The following UBE2E3 variants were observed in gnomAD, a reference collection of about 807,000 sequenced individuals.
UBE2E3 encodes the protein ubiquitin-conjugating enzyme E2 E3.
UBE2E3 carries 5 observed loss-of-function variants against 23.6 expected under a neutral mutation model. That is an observed-to-expected ratio of 0.21 (90% CI 0.11 to 0.44). UBE2E3 has a LOEUF of 0.44. Among genes scored for constraint, UBE2E3 ranks in the 20% least tolerant of loss-of-function variants. UBE2E3 has a pLI of 0.99. For synonymous variants in UBE2E3, 78 were observed against 87.5 expected, an observed-to-expected ratio of 0.89 and a Z score of 0.60; for missense variants, 81 against 249.8, an observed-to-expected ratio of 0.32 and a Z score of 4.55.
intron 2 of UBE2E3, 145 bp downstream of exon 2, chr2:180,982,381 C>A: frequency 1.3e-6 from 1 of 762,854 alleles, no homozygotes. Context: ...AGTTGTCATT[C>A]TTTAGGTGGT....
intron 3 of UBE2E3, among the ~76,000 whole-genome samples, chr2:181,036,005 T>G (rs1461476781): frequency 2.0e-5 from 3 of 152,198 alleles, no homozygotes; most frequent in African/African-American, 7.2e-5. Flanking sequence ...GTAAAGTCAA[T>G]CCTGATTTCT....
intron 1 of UBE2E3, chr2:180,981,463 CAGCT>C (rs1684292141): frequency 6.6e-6 from 1 of 152,186 alleles, no homozygotes; most frequent in African/African-American, 2.4e-5. Flanking sequence ...GCCGTGGAAA[CAGCT>C]AGAGCAGCTC....
At chr2:180,982,324 T>C in intron 2 of UBE2E3, 88 bp downstream of exon 2, 2 of 1,184,450 alleles carry the variant, frequency 1.7e-6, no homozygotes. Context: ...TCAATAGCAG[T>C]AGTTCAGAAA....
chr2:181,047,125 C>T (rs1031633702), intron 3 of UBE2E3, among the ~76,000 whole-genome samples: 1 of 152,110 alleles, frequency 6.6e-6, no homozygotes, highest in African/African-American at 2.4e-5. Flanking sequence ...GACTAGATGA[C>T]GTCTTTAGTT....
intron 3 of UBE2E3, among the ~76,000 whole-genome samples, chr2:181,016,241 T>G (rs1035296400): frequency 1.3e-4 from 19 of 151,042 alleles, no homozygotes; most frequent in Non-Finnish European, 1.2e-4. Flanking sequence ...GGGTTTAAAT[T>G]TTTTTTTTTA....
At chr2:181,030,829 T>C (rs1053823382) in intron 3 of UBE2E3, among the ~76,000 whole-genome samples, 1 of 152,170 alleles carries the variant, frequency 6.6e-6, no homozygotes, top group African/African-American at 2.4e-5. Flanking sequence ...TTTATTTTTT[T>C]CATGTCTGTT....
chr2:181,038,158 A>G (rs1686358543), intron 3 of UBE2E3, among the ~76,000 whole-genome samples: 1 of 152,174 alleles, frequency 6.6e-6, no homozygotes, highest in Non-Finnish European at 1.5e-5. Context: ...CCATTGTGGT[A>G]AGTGCCCAAT....
At chr2:180,994,833 G>A (rs62180090) in intron 3 of UBE2E3, among the ~76,000 whole-genome samples, 35,327 of 152,004 alleles carry the variant, frequency 0.23, 4,474 homozygotes, top group Non-Finnish European at 0.28. Context: ...ATCATTTACT[G>A]CTATGAGATA....
intron 3 of UBE2E3, among the ~76,000 whole-genome samples, chr2:181,009,046 A>G (rs1685237553): frequency 6.6e-6 from 1 of 152,140 alleles, no homozygotes; most frequent in Non-Finnish European, 1.5e-5. Flanking sequence ...CTAAAACAAC[A>G]TAAACAGATA....
At chr2:181,050,034 A>G (rs7371242) in intron 3 of UBE2E3, among the ~76,000 whole-genome samples, 35,255 of 151,852 alleles carry the variant, frequency 0.23, 4,455 homozygotes, top group Non-Finnish European at 0.28. Flanking sequence ...ATTTACAAAA[A>G]GGCCAATAAG....
chr2:181,018,504 A>G (rs1414143853), intron 3 of UBE2E3, among the ~76,000 whole-genome samples: 1 of 151,480 alleles, frequency 6.6e-6, no homozygotes, highest in Non-Finnish European at 1.5e-5. Flanking sequence ...TCTATTCTTG[A>G]TGAGCTTTTG....
chr2:181,038,104 A>G (rs1382713363), intron 3 of UBE2E3, among the ~76,000 whole-genome samples: 1 of 152,094 alleles, frequency 6.6e-6, no homozygotes, highest in East Asian at 1.9e-4. Context: ...CGCCTTCACT[A>G]CTCACCCCTG....
chr2:181,050,965 T>C (rs57612208), intron 3 of UBE2E3, among the ~76,000 whole-genome samples: 5,837 of 151,902 alleles, frequency 0.038, 313 homozygotes, highest in East Asian at 0.19. Flanking sequence ...TTTCATGTAT[T>C]CTAGCTTGAA....
At chr2:181,054,987 G>A (rs532539472) in intron 3 of UBE2E3, among the ~76,000 whole-genome samples, 1 of 151,876 alleles carries the variant, frequency 6.6e-6, no homozygotes, top group East Asian at 2.0e-4. Flanking sequence ...GATGTGATTG[G>A]CTGTGTCAAA....
At chr2:181,019,237 G>A (rs1005845043) in intron 3 of UBE2E3, among the ~76,000 whole-genome samples, 3 of 152,192 alleles carry the variant, frequency 2.0e-5, no homozygotes, top group African/African-American at 7.2e-5. Flanking sequence ...TGGGATTACA[G>A]GTGTGAACCG....
At chr2:181,027,785 T>G (rs1372470713) in intron 3 of UBE2E3, among the ~76,000 whole-genome samples, 6 of 152,026 alleles carry the variant, frequency 3.9e-5, no homozygotes, top group African/African-American at 1.2e-4. Flanking sequence ...CTCTTAACAT[T>G]GCCATAACTC....
chr2:181,053,473 A>G lies in UBE2E3; in HGVS notation c.246-4220A>G, dbSNP rs148160491. Among the ~76,000 whole-genome samples, 73 of 151,968 alleles carry G rather than the reference A, an allele frequency of 4.8e-4. No homozygotes were observed. The East Asian group carries it at 0.012, about 26-fold the overall frequency. ...TCTTTTTATAAACCATTACTTACAG[A>G]AACATTGACCTCTTATTTTAATATA... is the stretch of plus-strand genomic sequence containing the variant. On this transcript the variant is annotated intron_variant, in intron 3 of 5. Coordinates refer to ENST00000410062, the MANE Select transcript of UBE2E3 (RefSeq NM_006357.4).
intron 3 of UBE2E3, among the ~76,000 whole-genome samples, chr2:181,009,322 A>G (rs573122217): frequency 1.2e-4 from 19 of 152,270 alleles, no homozygotes; most frequent in African/African-American, 4.6e-4. Context: ...ACTTTGAATT[A>G]CTAAATTATC....
chr2:180,982,580 ATCT>A (rs148643298), intron 2 of UBE2E3, among the ~76,000 whole-genome samples: 1,691 of 152,240 alleles, frequency 0.011, 31 homozygotes, highest in African/African-American at 0.038. Context: ...ATGAGTCATA[ATCT>A]TCTTTAATGA....
Sources: allele counts gnomAD v4.1 joint callset (sites outside exome capture counted in the v4.1 genomes callset), GRCh38; gene constraint gnomAD v4.1.1; transcripts MANE v1.5; gene names NCBI Gene and HGNC (gene_info 2026-07-23, HGNC 2026-07-21).